WNK2: variants seen among roughly 807,000 people sequenced by gnomAD.
The protein encoded by WNK2 is WNK lysine deficient protein kinase 2.
Under a neutral mutation model 192.1 loss-of-function variants are expected in WNK2, and 67 were observed. The ratio of observed to expected loss-of-function variants is 0.35; its 90% CI spans 0.29 to 0.43. The LOEUF (loss-of-function observed/expected upper bound fraction) is 0.43. Ranked by LOEUF, WNK2 falls within the 20% of genes least tolerant of loss-of-function variation. WNK2 has a pLI of 1.00. For synonymous variants in WNK2, 1,439 were observed against 1,393.9 expected (o/e 1.03, Z -0.72); for missense variants, 2,698 against 3,089.7 (o/e 0.87, Z 3.01).
At position 93,239,934 on chromosome 9, in the gene WNK2, C is replaced by T. The variant is rs762618981; in HGVS notation, c.1500C>T (p.Phe500=). 17 of 1,612,108 alleles carry T rather than the reference C, an allele frequency of 1.1e-5. No individual in the cohort carries two copies. The highest frequency in any genetic ancestry group is 2.2e-5 in the East Asian group (1 of 44,848). The part of the protein sequence containing the change: ...PKDNGAIEFT[F]DLEKETPDEV... ...ACAATGGAGCCATAGAGTTCACCTT[C>T]GACCTGGAGAAGGAGACGCCGGATG... Residue 500 remains phenylalanine, a synonymous_variant, in exon 7 of 30, where the codon TTC becomes TTT. Coordinates refer to ENST00000427277, the MANE Select transcript of WNK2 (RefSeq NM_006648.4). This position sits in a 1 kb window ranked among gnomAD's most constrained non-coding sequence, Gnocchi z 4.2.
At chr9:93,253,188 G>A in intron 9 of WNK2, 106 bp downstream of exon 9, 2 of 1,021,428 alleles carry the variant, frequency 2.0e-6, no homozygotes, top group Non-Finnish European at 2.6e-6. Context: ...GCACTGCATT[G>A]TGGTCAGCAT....
chr9:93,185,172 G>A lies in WNK2; in HGVS notation c.243G>A (p.Thr81=). ...GCCGGGTGCTTCTGCTCTGCAAGAC[G>A]CGCCGCCTCATCGCGGAGCGCGCCC... ...LQRRVLLLCK[T]RRLIAERARG... The change falls in exon 2 of 30, where the codon ACG becomes ACA. Residue 81 remains threonine (T), a synonymous_variant. Coordinates refer to ENST00000427277, the MANE Select transcript of WNK2 (RefSeq NM_006648.4). The A allele has an allele frequency of 8.2e-7, 1 of 1,220,626 alleles. No homozygotes were observed. Among genetic ancestry groups the A allele is most frequent in the South Asian group, 2.7e-5 (1 of 36,388 alleles). 75.6% of individuals were successfully genotyped at this position (1,220,626 alleles called of 1,614,324 possible). A position where few individuals can be genotyped will look rare whatever the true frequency, so the allele number is the denominator to read the frequency against.
At chr9:93,312,798 T>C (rs1160054078) in intron 28 of WNK2, among the ~76,000 whole-genome samples, 1 of 152,184 alleles carries the variant, frequency 6.6e-6, no homozygotes, top group Non-Finnish European at 1.5e-5. Context: ...GCATAAGAGT[T>C]AGCCTTCATC....
In WNK2 at chr9:93,247,194, C is replaced by T. The variant is rs1300143769; in HGVS notation, c.1543-349C>T. ...GCTCCAAAGCTCCTTGTCACCACTTCTGAGTATGGAGACAATCAGGAGCCC... is the reference window on the plus strand; with the variant it reads ...GCTCCAAAGCTCCTTGTCACCACTTTTGAGTATGGAGACAATCAGGAGCCC... On this transcript the variant is annotated intron_variant, in intron 7 of 29. Coordinates refer to ENST00000427277, the MANE Select transcript of WNK2 (RefSeq NM_006648.4). This position sits in a 1 kb window ranked among gnomAD's most constrained non-coding sequence, Gnocchi z 5.2. Among the ~76,000 whole-genome samples the T allele has an allele frequency of 6.6e-6, 1 of 152,216 alleles. No individual in the cohort carries two copies. Among genetic ancestry groups the T allele is most frequent in the Non-Finnish European group, 1.5e-5 (1 of 68,042 alleles).
chr9:93,276,733 TGA>T (rs1348698203), intron 19 of WNK2, among the ~76,000 whole-genome samples: 1 of 152,074 alleles, frequency 6.6e-6, no homozygotes, highest in East Asian at 1.9e-4. Flanking sequence ...AACAGTAAAA[TGA>T]GCATAAAAAA....
chr9:93,289,555 G>C lies in WNK2; in HGVS notation c.4801G>C (p.Asp1601His), dbSNP rs747701224. ...GCCCCGCTCAGAGGTCTGCGGGGGG[G>C]ACCTGGCCCTGCCCCCAGTGCCTAA... Reference protein sequence around the residue: ...DQPRSEVCGGDLALPPVPKEA... With the variant: ...DQPRSEVCGGHLALPPVPKEA... Residue 1601 changes from aspartate (D) to histidine (H), a missense_variant, in exon 20 of 30, where the codon GAC (aspartate) becomes CAC (histidine). By Grantham distance (81) the Asp-to-His change is moderately conservative. Transcript: ENST00000427277. The C allele has an allele frequency of 1.5e-5, 24 of 1,558,024 alleles. No individual in the cohort carries two copies. Among genetic ancestry groups the C allele is most frequent in the Non-Finnish European group, 1.9e-5 (22 of 1,150,548 alleles).
At chr9:93,194,459 A>G (rs1265279411) in intron 2 of WNK2, among the ~76,000 whole-genome samples, 1 of 152,258 alleles carries the variant, frequency 6.6e-6, no homozygotes, top group African/African-American at 2.4e-5. Flanking sequence ...ATATGAAAAG[A>G]TGTTGCCCAT....
Position 93,257,887 on chromosome 9 carries a change from G to C in WNK2, c.2382+748G>C, listed in dbSNP as rs545032500. ...GCCGGGGCCAGGGCACCATTGCCCAGGTAAATGGCATGGAGGATTCTAGGT... is the reference window on the plus strand; with the variant it reads ...GCCGGGGCCAGGGCACCATTGCCCACGTAAATGGCATGGAGGATTCTAGGT... On this transcript the variant is annotated intron_variant, in intron 11 of 29. Transcript: ENST00000427277. This position sits in a 1 kb window ranked among gnomAD's most constrained non-coding sequence, Gnocchi z 4.7. Among the ~76,000 whole-genome samples the C allele has an allele frequency of 6.6e-6, 1 of 152,348 alleles. No homozygotes were observed. Among genetic ancestry groups the C allele is most frequent in the African/African-American group, 2.4e-5 (1 of 41,578 alleles).
At position 93,263,879 on chromosome 9, in the gene WNK2, G is replaced by A. The variant is rs768463709; in HGVS notation, c.3580-38G>A. The A allele has an allele frequency of 3.3e-6, 5 of 1,534,644 alleles. No individual in the cohort carries two copies. The South Asian group carries it at 6.0e-5, about 19-fold the overall frequency. ...TGGGGGTGTGGCGGGTGCACGTGTGGGTACGCCCGTGGTGGGTGCTGATGC... is the reference window on the plus strand; with the variant it reads ...TGGGGGTGTGGCGGGTGCACGTGTGAGTACGCCCGTGGTGGGTGCTGATGC... On this transcript the variant is annotated intron_variant, in intron 15 of 29. Transcript: ENST00000427277.
intron 2 of WNK2, among the ~76,000 whole-genome samples, chr9:93,218,770 T>C (rs1836255640): frequency 6.6e-6 from 1 of 152,230 alleles, no homozygotes; most frequent in African/African-American, 2.4e-5. Flanking sequence ...GTCTGGGTTG[T>C]CTGGCTGTCA....
chr9:93,243,698 G>T (rs1841178244), intron 7 of WNK2, among the ~76,000 whole-genome samples: 1 of 152,154 alleles, frequency 6.6e-6, no homozygotes, highest in Non-Finnish European at 1.5e-5. Context: ...GTGTGCCCCG[G>T]CAGGTTGACG....
At chr9:93,255,787 A>C (rs1430976761) in intron 9 of WNK2, among the ~76,000 whole-genome samples, 3 of 152,164 alleles carry the variant, frequency 2.0e-5, no homozygotes, top group African/African-American at 7.2e-5. Flanking sequence ...CAACAAATTA[A>C]CAAATTCGCA....
chr9:93,232,686 G>T (rs1182194624), intron 4 of WNK2, among the ~76,000 whole-genome samples: 1 of 152,218 alleles, frequency 6.6e-6, no homozygotes, highest in Non-Finnish European at 1.5e-5. Flanking sequence ...TGGAAACGAA[G>T]TTTCGAGTTG....
At chr9:93,294,686 A>G (rs902690010) in intron 23 of WNK2, among the ~76,000 whole-genome samples, 1 of 152,152 alleles carries the variant, frequency 6.6e-6, no homozygotes, top group Non-Finnish European at 1.5e-5. Context: ...CCTGGGTGAC[A>G]GGGGCCAGGA....
At chr9:93,231,178 C>A in intron 4 of WNK2, 70 bp downstream of exon 4, 1 of 1,486,614 alleles carries the variant, frequency 6.7e-7, no homozygotes, top group Non-Finnish European at 9.3e-7. Context: ...TGCTGGCGAG[C>A]ATCCAGTTTT....
intron 8 of WNK2, among the ~76,000 whole-genome samples, 171 bp from the exon 9 acceptor site, chr9:93,252,712 T>C (rs1842756697): frequency 6.6e-6 from 1 of 152,244 alleles, no homozygotes; most frequent in South Asian, 2.1e-4. Flanking sequence ...CGTGACAGCA[T>C]CCCCAGTATG....
intron 8 of WNK2, among the ~76,000 whole-genome samples, chr9:93,251,560 AT>A (rs372039980): frequency 3.3e-5 from 5 of 152,290 alleles, no homozygotes; most frequent in South Asian, 2.1e-4. Flanking sequence ...AGATAGAAAA[AT>A]TAGCCAGGTG....
chr9:93,225,914 A>ATGTTG (rs35020803), intron 2 of WNK2, among the ~76,000 whole-genome samples: 10,906 of 150,926 alleles, frequency 0.072, 460 homozygotes, highest in Non-Finnish European at 0.086. Flanking sequence ...CTGTTGTGTT[A>ATGTTG]TGTTGTGTTG....
At chr9:93,200,851 G>A (rs1271361940) in intron 2 of WNK2, among the ~76,000 whole-genome samples, 1 of 152,142 alleles carries the variant, frequency 6.6e-6, no homozygotes, top group Non-Finnish European at 1.5e-5. Context: ...TGAGAAGGAT[G>A]AAATAGGGTT....
Sources: allele counts gnomAD v4.1 joint callset (sites outside exome capture counted in the v4.1 genomes callset), GRCh38; gene constraint gnomAD v4.1.1; non-coding constraint Gnocchi (gnomAD v3.1); transcripts MANE v1.5; gene names NCBI Gene and HGNC (gene_info 2026-07-23, HGNC 2026-07-21).